Variants in NAALADL2 observed in about 807,000 individuals in gnomAD.
NAALADL2 encodes inactive N-acetylated-alpha-linked acidic dipeptidase-like protein 2.
NAALADL2 carries 76 observed loss-of-function variants against 87.2 expected under a neutral mutation model. The ratio of observed to expected loss-of-function variants is 0.87; its 90% CI spans 0.72 to 1.05. The LOEUF is 1.05. Ranked by LOEUF, NAALADL2 falls within the 50% of genes least tolerant of loss-of-function variation. The probability of loss-of-function intolerance (pLI) is 0.00; values close to 1 mark genes in which losing one functional copy is unlikely to be tolerated. For synonymous variants in NAALADL2, 354 were observed against 331.0 expected (o/e 1.07, Z -0.75); for missense variants, 1,089 against 945.8 (o/e 1.15, Z -1.99).
chr3:174,815,758 T>C (rs1720711742), intron 3 of NAALADL2, among the ~76,000 whole-genome samples: 1 of 152,008 alleles, frequency 6.6e-6, no homozygotes, highest in African/African-American at 2.4e-5. Flanking sequence ...ATGGTATTAT[T>C]TTATTCTATG....
At chr3:175,082,471 A>G (rs1718057510) in intron 1 of NAALADL2, among the ~76,000 whole-genome samples, 1 of 152,206 alleles carries the variant, frequency 6.6e-6, no homozygotes, top group African/African-American at 2.4e-5. Flanking sequence ...CTTGAAATTA[A>G]TTCTTAGAGG....
At chr3:175,464,659 G>A (rs558717728) in intron 7 of NAALADL2, among the ~76,000 whole-genome samples, 1 of 152,078 alleles carries the variant, frequency 6.6e-6, no homozygotes, top group Non-Finnish European at 1.5e-5. Flanking sequence ...TAGTAAAATT[G>A]GCCTAGTTGC....
At chr3:175,026,721 ATC>A (rs1752276358) in intron 1 of NAALADL2, among the ~76,000 whole-genome samples, 2 of 151,972 alleles carry the variant, frequency 1.3e-5, no homozygotes, top group African/African-American at 4.8e-5. Flanking sequence ...ATGAAAAAAT[ATC>A]TCTGGTTTAA....
chr3:175,802,575 T>A (rs906968662), intron 13 of NAALADL2, among the ~76,000 whole-genome samples: 1 of 152,088 alleles, frequency 6.6e-6, no homozygotes, highest in African/African-American at 2.4e-5. Context: ...TGCAATTGAT[T>A]TGTTGAATAA....
intron 2 of NAALADL2, among the ~76,000 whole-genome samples, chr3:174,593,294 A>G (rs1717569783): frequency 6.6e-6 from 1 of 152,178 alleles, no homozygotes; most frequent in South Asian, 2.1e-4. Flanking sequence ...ATAACAGAGT[A>G]ACTATTAGCG....
At chr3:175,591,007 G>T (rs1215289856) in intron 10 of NAALADL2, among the ~76,000 whole-genome samples, 1 of 124,452 alleles carries the variant, frequency 8.0e-6, no homozygotes, top group Non-Finnish European at 1.8e-5. Flanking sequence ...AGCTTGTGCT[G>T]TTACTACACT....
At chr3:174,827,740 A>G (rs1176654982) in intron 3 of NAALADL2, among the ~76,000 whole-genome samples, 1 of 152,222 alleles carries the variant, frequency 6.6e-6, no homozygotes, top group Non-Finnish European at 1.5e-5. Flanking sequence ...TTTAAAATCT[A>G]GCCTTATAGA....
intron 1 of NAALADL2, among the ~76,000 whole-genome samples, chr3:174,940,712 G>C (rs541859081): frequency 6.6e-6 from 1 of 152,152 alleles, no homozygotes; most frequent in African/African-American, 2.4e-5. Context: ...GGTCTGATCA[G>C]GGAATTAATT....
intron 3 of NAALADL2, among the ~76,000 whole-genome samples, chr3:174,816,785 C>T (rs1026593028): frequency 2.6e-5 from 4 of 152,062 alleles, no homozygotes; most frequent in African/African-American, 9.7e-5. Flanking sequence ...GCCCCTAGCC[C>T]TGACAGTTAC....
At chr3:174,739,906 C>G (rs1733605542) in intron 3 of NAALADL2, among the ~76,000 whole-genome samples, 1 of 152,026 alleles carries the variant, frequency 6.6e-6, no homozygotes, top group Admixed American at 6.6e-5. Flanking sequence ...ATTGCACACA[C>G]TGTGGAAAAT....
intron 1 of NAALADL2, among the ~76,000 whole-genome samples, chr3:175,050,645 G>A (rs1009609854): frequency 2.0e-5 from 3 of 152,080 alleles, no homozygotes; most frequent in African/African-American, 7.2e-5. Flanking sequence ...CCCAGTTTCT[G>A]AAACCCTATT....
chr3:174,743,604 C>T (rs1401500226), intron 3 of NAALADL2, among the ~76,000 whole-genome samples: 2 of 151,740 alleles, frequency 1.3e-5, no homozygotes, highest in Non-Finnish European at 3.0e-5. Flanking sequence ...ATGTATTGAA[C>T]TCTTTTAGAG....
chr3:175,152,080 T>C (rs148133937), intron 2 of NAALADL2, among the ~76,000 whole-genome samples: 17 of 152,332 alleles, frequency 1.1e-4, no homozygotes, highest in Admixed American at 1.1e-3. Context: ...AGTAGTCTTC[T>C]TGTATAAGTT....
intron 10 of NAALADL2, among the ~76,000 whole-genome samples, chr3:175,605,542 T>A (rs1007798628): frequency 6.6e-6 from 1 of 152,072 alleles, no homozygotes; most frequent in Non-Finnish European, 1.5e-5. Context: ...GATAGGCTTA[T>A]TTGCCTCCTC....
Position 175,781,437 on chromosome 3 carries a change from C to A in NAALADL2, c.2190-21568C>A, listed in dbSNP as rs1261119046. ...TTGTAGTGATGATGGTATAAACAAA[C>A]TTACTGCTGCCAGTCATATAAGCAT... On this transcript the variant is annotated intron_variant, in intron 13 of 13. Coordinates refer to ENST00000454872, the MANE Select transcript of NAALADL2 (RefSeq NM_207015.3). 4.6e-5 allele frequency among the ~76,000 whole-genome samples: 7 copies of A among 152,140 alleles called. No homozygotes were observed. In the East Asian group the frequency reaches 1.4e-3, roughly 29 times the overall value.
chr3:175,196,445 C>T (rs1438458536), intron 2 of NAALADL2, among the ~76,000 whole-genome samples: 4 of 151,880 alleles, frequency 2.6e-5, no homozygotes, highest in Non-Finnish European at 5.9e-5. Context: ...GAAGCTCTTC[C>T]GTTGTCTCTT....
intron 11 of NAALADL2, among the ~76,000 whole-genome samples, chr3:175,716,264 A>AAT (rs200129179): frequency 1.9e-4 from 25 of 133,114 alleles, no homozygotes; most frequent in Non-Finnish European, 1.7e-4. Context: ...ATATGTATAT[A>AAT]ATATATATAA....
chr3:175,806,339 C>T lies in NAALADL2; in HGVS notation c.*3136C>T, dbSNP rs1754698149. Reference sequence around the variant, plus strand: ...TATATCTGTAAGAGGGCAAGTCAGGCCAGTGTTAAGTCAACAATCTAAATC... The same window carrying T: ...TATATCTGTAAGAGGGCAAGTCAGGTCAGTGTTAAGTCAACAATCTAAATC... On this transcript the variant is annotated 3_prime_UTR_variant, in exon 14 of 14. Coordinates refer to ENST00000454872, the MANE Select transcript of NAALADL2 (RefSeq NM_207015.3). 1 of 151,754 alleles carries T rather than the reference C, an allele frequency of 6.6e-6. No individual in the cohort carries two copies. Among genetic ancestry groups the T allele is most frequent in the African/African-American group, 2.4e-5 (1 of 41,374 alleles). 9.4% of individuals were successfully genotyped at this position (151,754 alleles called of 1,614,324 possible). A position where few individuals can be genotyped will look rare whatever the true frequency, so the allele number is the denominator to read the frequency against.
intron 5 of NAALADL2, among the ~76,000 whole-genome samples, chr3:175,412,913 T>TTATTATTATTAG (rs1560510611): frequency 1.4e-5 from 2 of 144,262 alleles, no homozygotes; most frequent in Non-Finnish European, 3.0e-5. Context: ...ATTATTATTA[T>TTATTATTATTAG]TATTATTATT....
Sources: gnomAD v4.1 joint callset for allele counts (sites outside exome capture counted in the v4.1 genomes callset) on GRCh38, gnomAD v4.1.1 for gene constraint, MANE v1.5 for transcripts, NCBI Gene and HGNC (gene_info 2026-07-23, HGNC 2026-07-21) for gene names.